Variants in GRAMD2B observed in about 807,000 individuals in gnomAD.
GRAMD2B encodes the protein GRAM domain containing 2B.
A neutral mutation model predicts 59.2 loss-of-function variants in GRAMD2B; 41 were observed. That is an observed-to-expected ratio of 0.69 (90% confidence interval 0.54 to 0.90). The LOEUF (loss-of-function observed/expected upper bound fraction) is 0.90. GRAMD2B is among the 40% of genes least tolerant of loss of function. The probability of loss-of-function intolerance (pLI) is 0.00; values close to 1 mark genes in which losing one functional copy is unlikely to be tolerated. For synonymous variants in GRAMD2B, 161 were observed against 182.7 expected (o/e 0.88, Z 0.96); for missense variants, 424 against 500.5 (o/e 0.85, Z 1.46).
intron 1 of GRAMD2B, among the ~76,000 whole-genome samples, chr5:126,379,920 C>T (rs1034978191): frequency 6.6e-6 from 1 of 152,164 alleles, no homozygotes; most frequent in Non-Finnish European, 1.5e-5. Context: ...ACTTAAGTCA[C>T]ACCTATTTAT....
rs181741331 is a variant in GRAMD2B, at chr5:126,488,163, A to G, written c.1164-636A>G. Among the ~76,000 whole-genome samples, 15 of 152,354 alleles carry G rather than the reference A, an allele frequency of 9.8e-5. No individual in the cohort carries two copies. The East Asian group carries it at 2.9e-3, about 29-fold the overall frequency. Reference sequence around the variant, plus strand: ...AAATATACACTTGAACTAATAAAATACAAAAGCCTAATAAACAGTTTGGTA... The same window carrying G: ...AAATATACACTTGAACTAATAAAATGCAAAAGCCTAATAAACAGTTTGGTA... On this transcript the variant is annotated intron_variant, in intron 12 of 13. Coordinates refer to ENST00000285689, the MANE Select transcript of GRAMD2B (RefSeq NM_023927.4).
At chr5:126,427,174 C>T (rs1292688316) in intron 1 of GRAMD2B, among the ~76,000 whole-genome samples, 3 of 152,200 alleles carry the variant, frequency 2.0e-5, no homozygotes, top group African/African-American at 7.2e-5. Context: ...AGGTTTATTA[C>T]ATAGGAATAC....
intron 1 of GRAMD2B, among the ~76,000 whole-genome samples, chr5:126,398,658 GT>G (rs1757572516): frequency 6.6e-6 from 1 of 151,728 alleles, no homozygotes; most frequent in Non-Finnish European, 1.5e-5. Context: ...ATTAGTTGAG[GT>G]TTTTTTCTAG....
intron 11 of GRAMD2B, among the ~76,000 whole-genome samples, chr5:126,486,614 G>A (rs962231230): frequency 6.6e-6 from 1 of 152,138 alleles, no homozygotes; most frequent in African/African-American, 2.4e-5. Context: ...TCCAACTTGG[G>A]TCTGGCTCTG....
chr5:126,409,024 C>A (rs1157439083), intron 1 of GRAMD2B, among the ~76,000 whole-genome samples: 3 of 151,178 alleles, frequency 2.0e-5, no homozygotes, highest in South Asian at 2.1e-4. Flanking sequence ...TGAACTCATC[C>A]TTTTTTATGG....
intron 1 of GRAMD2B, among the ~76,000 whole-genome samples, chr5:126,442,525 C>G (rs1763470145): frequency 6.6e-6 from 1 of 152,124 alleles, no homozygotes; most frequent in African/African-American, 2.4e-5. Flanking sequence ...CTCCCAACCT[C>G]AAATGATCCA....
chr5:126,451,883 G>GT (rs1765444337), intron 1 of GRAMD2B, among the ~76,000 whole-genome samples: 2 of 152,128 alleles, frequency 1.3e-5, no homozygotes, highest in Admixed American at 1.3e-4. Flanking sequence ...ATGAGATCTG[G>GT]TTTTTTGAAA....
chr5:126,385,317 C>A (rs1217375701), intron 1 of GRAMD2B, among the ~76,000 whole-genome samples: 1 of 152,130 alleles, frequency 6.6e-6, no homozygotes, highest in Non-Finnish European at 1.5e-5. Flanking sequence ...ATATTTTATT[C>A]TTGCAACTGG....
chr5:126,450,580 A>C (rs914191431), intron 1 of GRAMD2B, among the ~76,000 whole-genome samples: 13 of 145,062 alleles, frequency 9.0e-5, no homozygotes, highest in Middle Eastern at 3.5e-3. Flanking sequence ...CTCACCCGTC[A>C]CCTGGCCTTC....
At chr5:126,486,736 A>G (rs2126955285) in intron 11 of GRAMD2B, 137 bp from the exon 12 acceptor site, 2 of 606,542 alleles carry the variant, frequency 3.3e-6, no homozygotes, top group East Asian at 2.8e-5. Context: ...TTTAAAAAGG[A>G]TGTTTTTAAA....
chr5:126,372,748 A>AAAAAT (rs1237206783), intron 1 of GRAMD2B, among the ~76,000 whole-genome samples: 1 of 152,112 alleles, frequency 6.6e-6, no homozygotes, highest in East Asian at 1.9e-4. Flanking sequence ...GAGAAAAAAT[A>AAAAAT]AAAATAAAAT....
intron 1 of GRAMD2B, among the ~76,000 whole-genome samples, chr5:126,409,640 C>T (rs1193290078): frequency 1.3e-5 from 2 of 151,914 alleles, no homozygotes; most frequent in Admixed American, 6.6e-5. Flanking sequence ...TTGTAGGTTG[C>T]CTGTTCACTC....
intron 13 of GRAMD2B, among the ~76,000 whole-genome samples, chr5:126,491,948 T>A (rs1301338219): frequency 6.6e-6 from 1 of 152,216 alleles, no homozygotes; most frequent in East Asian, 1.9e-4. Context: ...TTGGCCAGGC[T>A]GGTCTGGAAC....
intron 1 of GRAMD2B, among the ~76,000 whole-genome samples, chr5:126,410,540 G>A (rs953125785): frequency 6.6e-6 from 1 of 152,000 alleles, no homozygotes; most frequent in African/African-American, 2.4e-5. Flanking sequence ...CATTGATTTT[G>A]TATCCTGAGA....
At chr5:126,479,425 G>A (rs1458123007) in intron 6 of GRAMD2B, among the ~76,000 whole-genome samples, 1 of 152,232 alleles carries the variant, frequency 6.6e-6, no homozygotes, top group Non-Finnish European at 1.5e-5. Flanking sequence ...TGATAAGCTA[G>A]AAAATATGTT....
Position 126,471,192 on chromosome 5 carries a change from T to A in GRAMD2B, c.316-1046T>A, listed in dbSNP as rs373003739. Among the ~76,000 whole-genome samples the A allele has an allele frequency of 5.7e-4, 87 of 152,282 alleles. No homozygotes were observed. The South Asian group carries it at 6.8e-3, about 12-fold the overall frequency. ...GATAATAAAGCCATCCAGGGCCTCC[T>A]ACCCATTCTCCTTATAAGAATTTTT... On this transcript the variant is annotated intron_variant, in intron 3 of 13. Transcript: ENST00000285689.
rs1377335573 is a variant in GRAMD2B at position 126,477,692 on chromosome 5, A to G, written c.487A>G (p.Ile163Val). 5 of 1,569,230 alleles carry G rather than the reference A, an allele frequency of 3.2e-6. No individual in the cohort carries two copies. ...CATTAACTTGCTGATTCTGTTTCAG[A>G]TCTCTATTCCAGCTTTCTCGGTAAC... is the stretch of plus-strand genomic sequence containing the variant. ...HSKVFGKDTK[I>V]SIPAFSVTLI... Residue 163 changes from isoleucine to valine, a missense_variant and splice_region_variant, in exon 6 of 14, where the codon ATC becomes GTC. Physicochemically the swap from Ile to Val is conservative, Grantham distance 29. Coordinates refer to ENST00000285689, the MANE Select transcript of GRAMD2B (RefSeq NM_023927.4).
intron 1 of GRAMD2B, among the ~76,000 whole-genome samples, chr5:126,439,231 G>T (rs1762896757): frequency 6.6e-6 from 1 of 152,010 alleles, no homozygotes; most frequent in Admixed American, 6.5e-5. Flanking sequence ...ACCTGCAAGA[G>T]GTTGGACTTT....
chr5:126,386,129 A>C (rs1756106124), intron 1 of GRAMD2B, among the ~76,000 whole-genome samples: 1 of 152,170 alleles, frequency 6.6e-6, no homozygotes, highest in Admixed American at 6.5e-5. Context: ...TTTCTTTTAG[A>C]GGTTGTATTT....
Sources: allele counts gnomAD v4.1 joint callset (sites outside exome capture counted in the v4.1 genomes callset), GRCh38; gene constraint gnomAD v4.1.1; transcripts MANE v1.5; gene names NCBI Gene and HGNC (gene_info 2026-07-23, HGNC 2026-07-21).